CGRRF1: variants seen among roughly 807,000 people sequenced by gnomAD.
CGRRF1 encodes the protein cell growth regulator with RING finger domain protein 1.
In CGRRF1, 32 loss-of-function variants were observed where a neutral mutation model predicts 37.2. That is an observed-to-expected ratio of 0.86 (90% CI 0.65 to 1.16). The LOEUF (loss-of-function observed/expected upper bound fraction) is 1.16. Among genes scored for constraint, CGRRF1 ranks in the 50% most tolerant of loss-of-function variants. CGRRF1 has a pLI of 0.00. For missense variants in CGRRF1, 391 were observed against 382.6 expected (o/e 1.02, Z -0.18); for synonymous variants, 141 against 140.3 (o/e 1.00, Z -0.04).
intron 4 of CGRRF1, among the ~76,000 whole-genome samples, chr14:54,535,379 A>ACACACACACT (rs1475892380): frequency 6.8e-6 from 1 of 147,700 alleles, no homozygotes; most frequent in Non-Finnish European, 1.5e-5. Flanking sequence ...ACACACACAC[A>ACACACACACT]CACACACACA....
At chr14:54,535,132 A>G (rs890641375) in intron 4 of CGRRF1, among the ~76,000 whole-genome samples, 10 of 152,172 alleles carry the variant, frequency 6.6e-5, no homozygotes, top group Admixed American at 6.5e-4. Context: ...TTCAGTGTGT[A>G]TTTCCTAAAA....
chr14:54,512,081 C>T, intron 1 of CGRRF1, among the ~76,000 whole-genome samples: 1 of 152,160 alleles, frequency 6.6e-6, no homozygotes, highest in South Asian at 2.1e-4. Flanking sequence ...CCAATAGTAC[C>T]CCAGTCAGAA....
Position 54,509,954 on chromosome 14 carries a change from AC to A in CGRRF1, c.-3del. ...GGAGCCGGGCTCTACCCAGAGCAAG[AC>A]CCTGATGGCTGCGGTGTTTCTGGTA... On this transcript the variant is annotated 5_prime_UTR_variant, in exon 1 of 6. Coordinates refer to ENST00000216420, the MANE Select transcript of CGRRF1 (RefSeq NM_006568.3). 6.2e-7 allele frequency: 1 copy of A among 1,608,084 alleles called. No individual in the cohort carries two copies. Among genetic ancestry groups the A allele is most frequent in the South Asian group, 1.1e-5 (1 of 90,950 alleles).
intron 4 of CGRRF1, chr14:54,537,193 C>G (rs2032613717): frequency 6.6e-6 from 1 of 152,176 alleles, no homozygotes; most frequent in African/African-American, 2.4e-5. Context: ...CAGTACCATA[C>G]TGTTTTAATT....
In CGRRF1 at chr14:54,539,173, C is replaced by T. The variant is rs1317024728; in HGVS notation, c.*790C>T. The T allele has an allele frequency of 6.6e-6, 1 of 152,130 alleles. No homozygotes were observed. The highest frequency in any genetic ancestry group is 1.5e-5 in the Non-Finnish European group (1 of 68,030). 9.4% of individuals were successfully genotyped at this position (152,130 alleles called of 1,614,324 possible). A position where few individuals can be genotyped will look rare whatever the true frequency, so the allele number is the denominator to read the frequency against. ...TTTCTGCCTGCACAGCAAATCCATC[C>T]AGAACTGAGGTGGGAGGTGGAGGTT... On this transcript the variant is annotated 3_prime_UTR_variant, in exon 6 of 6. Transcript: ENST00000216420.
At chr14:54,525,113 C>T (rs1473440586) in intron 2 of CGRRF1, among the ~76,000 whole-genome samples, 1 of 152,174 alleles carries the variant, frequency 6.6e-6, no homozygotes, top group Admixed American at 6.5e-5. Context: ...CCTCTGTGGC[C>T]ATAGGCTAGA....
chr14:54,516,717 G>A (rs1428942898), intron 1 of CGRRF1, among the ~76,000 whole-genome samples: 4 of 152,046 alleles, frequency 2.6e-5, no homozygotes, highest in African/African-American at 7.2e-5. Flanking sequence ...AACATGTTGG[G>A]GAAGGTTTTC....
chr14:54,518,271 C>T (rs970734389), intron 1 of CGRRF1, among the ~76,000 whole-genome samples: 2 of 152,038 alleles, frequency 1.3e-5, no homozygotes, highest in Non-Finnish European at 2.9e-5. Context: ...TTAGGCCAGG[C>T]GCAGTGGCTC....
At chr14:54,533,964 AAG>A (rs1205180266) in intron 4 of CGRRF1, among the ~76,000 whole-genome samples, 2 of 152,194 alleles carry the variant, frequency 1.3e-5, no homozygotes, top group Non-Finnish European at 2.9e-5. Flanking sequence ...GTAATTAAAA[AAG>A]GGATAAAATT....
At chr14:54,521,621 C>A (rs1322142664) in intron 1 of CGRRF1, among the ~76,000 whole-genome samples, 1 of 151,854 alleles carries the variant, frequency 6.6e-6, no homozygotes, top group East Asian at 2.0e-4. Flanking sequence ...TCTCCTGCCT[C>A]AGCTTCCCAA....
At chr14:54,516,557 A>G (rs952356853) in intron 1 of CGRRF1, among the ~76,000 whole-genome samples, 1 of 151,852 alleles carries the variant, frequency 6.6e-6, no homozygotes, top group Admixed American at 6.6e-5. Context: ...TTCTTTGGCT[A>G]CCGTAGCATA....
Position 54,537,767 on chromosome 14 carries a change from C to T in CGRRF1, c.616C>T (p.Leu206=), listed in dbSNP as rs751954483. The T allele has an allele frequency of 1.9e-6, 3 of 1,597,268 alleles. No homozygotes were observed. The highest frequency in any genetic ancestry group is 2.6e-6 in the Non-Finnish European group (3 of 1,175,394). Residue 206 remains leucine, a synonymous_variant, in exon 5 of 6, where the codon CTA becomes TTA. Coordinates refer to ENST00000216420, the MANE Select transcript of CGRRF1 (RefSeq NM_006568.3). ...VIHIPDRTYK[L]SCRILYQYLL... ...TCATATTCCTGATAGGACTTATAAA[C>T]TATCCTGCAGAATATTGTATCAATA...
chr14:54,510,110 TG>T (rs762225532), intron 1 of CGRRF1, 47 bp downstream of exon 1: 3 of 1,442,344 alleles, frequency 2.1e-6, no homozygotes, highest in African/African-American at 2.8e-5. Context: ...ACCGCCAGAG[TG>T]GGGTCGCGAC....
In CGRRF1 at chr14:54,538,710, A is replaced by G. The variant is rs572812935; in HGVS notation, c.*327A>G. ...AATCCATTGAAAATTTGAGGAGGTTAAATTCTTAAGATCACTAAATGTTTT... is the reference window on the plus strand; with the variant it reads ...AATCCATTGAAAATTTGAGGAGGTTGAATTCTTAAGATCACTAAATGTTTT... On this transcript the variant is annotated 3_prime_UTR_variant, in exon 6 of 6. Coordinates refer to ENST00000216420, the MANE Select transcript of CGRRF1 (RefSeq NM_006568.3). 19 of 186,828 alleles carry G rather than the reference A, an allele frequency of 1.0e-4. 1 individual carries two copies. The South Asian group carries it at 1.3e-3, about 13-fold the overall frequency. 11.6% of individuals were successfully genotyped at this position (186,828 alleles called of 1,614,324 possible).
At chr14:54,518,099 C>A (rs2032247226) in intron 1 of CGRRF1, among the ~76,000 whole-genome samples, 2 of 152,088 alleles carry the variant, frequency 1.3e-5, no homozygotes, top group South Asian at 4.1e-4. Flanking sequence ...ATGCATGTAT[C>A]TTTATAATAG....
intron 4 of CGRRF1, among the ~76,000 whole-genome samples, chr14:54,535,115 T>C (rs894508699): frequency 2.6e-5 from 4 of 152,186 alleles, no homozygotes; most frequent in African/African-American, 9.7e-5. Flanking sequence ...TCTTTACCCC[T>C]AAATGCTTCA....
intron 4 of CGRRF1, chr14:54,536,739 T>C (rs1003136059): frequency 6.6e-6 from 1 of 152,204 alleles, no homozygotes; most frequent in Non-Finnish European, 1.5e-5. Flanking sequence ...TCTTCATAAA[T>C]TAGGAATATT....
chr14:54,531,242 G>A (rs1335781609), intron 4 of CGRRF1, 192 bp downstream of exon 4: 4 of 523,814 alleles, frequency 7.6e-6, no homozygotes, highest in African/African-American at 2.0e-5. Flanking sequence ...TGCCTTATGG[G>A]TCACAGTAAT....
intron 1 of CGRRF1, among the ~76,000 whole-genome samples, chr14:54,510,651 T>C (rs2032114430): frequency 6.6e-6 from 1 of 152,262 alleles, no homozygotes; most frequent in Non-Finnish European, 1.5e-5. Flanking sequence ...ATTTTAGAGC[T>C]GGAAGAGACC....
Sources: gnomAD v4.1 joint callset for allele counts (sites outside exome capture counted in the v4.1 genomes callset) on GRCh38, gnomAD v4.1.1 for gene constraint, MANE v1.5 for transcripts, NCBI Gene and HGNC (gene_info 2026-07-23, HGNC 2026-07-21) for gene names.